The following TXNDC16 variants were observed in gnomAD, a reference collection of about 807,000 sequenced individuals.
TXNDC16 encodes thioredoxin domain-containing protein 16.
TXNDC16 carries 74 observed loss-of-function variants against 85.6 expected under a neutral mutation model. That is an observed-to-expected ratio of 0.86 (90% CI 0.72 to 1.05). The LOEUF (loss-of-function observed/expected upper bound fraction) is 1.05. TXNDC16 is among the 50% of genes least tolerant of loss of function. The pLI is 0.00. For missense variants in TXNDC16, 959 were observed against 947.0 expected, an observed-to-expected ratio of 1.01 and a Z score of -0.17; for synonymous variants, 335 against 326.5, an observed-to-expected ratio of 1.03 and a Z score of -0.28.
Position 52,431,839 on chromosome 14 carries a change from G to A in TXNDC16, c.*465C>T, listed in dbSNP as rs1370050485. ...TGCACTGTGGAGTTAACTGTGATTA[G>A]AGTTTAATTTTAATCCAAATAGAAA... is the stretch of plus-strand genomic sequence containing the variant. On this transcript the variant is annotated 3_prime_UTR_variant, in exon 21 of 21. Transcript: ENST00000281741. 6.6e-6 allele frequency: 1 copy of A among 152,492 alleles called. No individual in the cohort carries two copies. The highest frequency in any genetic ancestry group is 1.5e-5 in the Non-Finnish European group (1 of 68,258). 9.4% of individuals were successfully genotyped at this position (152,492 alleles called of 1,614,324 possible). A position where few individuals can be genotyped will look rare whatever the true frequency, so the allele number is the denominator to read the frequency against.
intron 6 of TXNDC16, among the ~76,000 whole-genome samples, chr14:52,519,621 T>C (rs1045249907): frequency 6.6e-6 from 1 of 152,202 alleles, no homozygotes; most frequent in Non-Finnish European, 1.5e-5. Context: ...TTTAAGCCCT[T>C]CACAAACCTA....
chr14:52,439,893 AGATAC>A (rs138791444), intron 19 of TXNDC16, among the ~76,000 whole-genome samples: 41,081 of 152,068 alleles, frequency 0.27, 5,670 homozygotes, highest in East Asian at 0.39. Flanking sequence ...TCTAAGTTAA[AGATAC>A]TTAGTTTTCC....
chr14:52,432,673 A>C, intron 20 of TXNDC16, 86 bp from the exon 21 acceptor site: 1 of 1,262,416 alleles, frequency 7.9e-7, no homozygotes, highest in Non-Finnish European at 1.0e-6. Flanking sequence ...ATTTTGAAAA[A>C]TATATTTGTA....
At chr14:52,534,030 T>C (rs2037644110) in intron 6 of TXNDC16, among the ~76,000 whole-genome samples, 1 of 152,108 alleles carries the variant, frequency 6.6e-6, no homozygotes, top group South Asian at 2.1e-4. Context: ...CCAAGTGTGG[T>C]ATGGTGAGGG....
At chr14:52,520,684 C>T (rs940443297) in intron 6 of TXNDC16, among the ~76,000 whole-genome samples, 25 of 152,122 alleles carry the variant, frequency 1.6e-4, no homozygotes, top group African/African-American at 5.6e-4. Context: ...CCCCTAACAA[C>T]TCATTCCACT....
At chr14:52,506,337 C>T (rs1205831386) in intron 9 of TXNDC16, among the ~76,000 whole-genome samples, 3 of 152,112 alleles carry the variant, frequency 2.0e-5, no homozygotes, top group Non-Finnish European at 4.4e-5. Context: ...AAAATACTGG[C>T]AAACCAAATC....
rs1463928575 is a variant in TXNDC16, at chr14:52,490,380, A to C, written c.984+11T>G. The C allele has an allele frequency of 5.7e-6, 9 of 1,575,668 alleles. No individual in the cohort carries two copies. Among genetic ancestry groups the C allele is most frequent in the Non-Finnish European group, 7.7e-6 (9 of 1,163,498 alleles). On this transcript the variant is annotated intron_variant, in intron 11 of 20. Transcript: ENST00000281741. ...AACAGATATTGTAGAACAATACATA[A>C]AACAACTAACCTCTTCTGCTCTTTT...
chr14:52,482,116 C>T (rs778593337), intron 14 of TXNDC16, 114 bp downstream of exon 14: 5 of 963,790 alleles, frequency 5.2e-6, no homozygotes, highest in Non-Finnish European at 7.6e-6. Flanking sequence ...CCTGGAGACA[C>T]AAACATAGTA....
intron 9 of TXNDC16, among the ~76,000 whole-genome samples, chr14:52,504,997 T>G (rs1018259416): frequency 1.1e-4 from 17 of 152,072 alleles, no homozygotes; most frequent in African/African-American, 2.7e-4. Flanking sequence ...ATGGTAAAGG[T>G]ATCAATTCAA....
chr14:52,445,311 T>C (rs909729495), intron 18 of TXNDC16, among the ~76,000 whole-genome samples: 7 of 152,174 alleles, frequency 4.6e-5, no homozygotes, highest in African/African-American at 1.7e-4. Context: ...GATTTGATTA[T>C]TTATAACCTA....
intron 6 of TXNDC16, among the ~76,000 whole-genome samples, chr14:52,535,531 C>G (rs998980442): frequency 1.3e-5 from 2 of 152,002 alleles, no homozygotes; most frequent in African/African-American, 4.8e-5. Flanking sequence ...AAAAAGACAG[C>G]CAATGTCAGC....
In TXNDC16 at chr14:52,455,376, G is replaced by A. The variant is rs748330657; in HGVS notation, c.1790C>T (p.Thr597Ile). The change falls in exon 18 of 21, where the codon ACA (threonine) becomes ATA (isoleucine). Residue 597 changes from threonine (T) to isoleucine (I), a missense_variant. Transcript: ENST00000281741. ...GKIESIPLAS[T>I]HAQDIVQIIT... ...TATTTGAACTATGTCTTGTGCATGT[G>A]TGCTAGCTAGTGGGATGCTCTCTAT... 2.0e-5 allele frequency: 33 copies of A among 1,613,850 alleles called. No individual in the cohort carries two copies. The highest frequency in any genetic ancestry group is 1.6e-4 in the Middle Eastern group (1 of 6,082).
intron 16 of TXNDC16, 63 bp downstream of exon 16, chr14:52,469,974 A>C (rs2140131351): frequency 1.4e-6 from 2 of 1,422,506 alleles, no homozygotes; most frequent in Middle Eastern, 2.1e-4. Flanking sequence ...ATATTCTTAA[A>C]AAATAAAACT....
intron 16 of TXNDC16, among the ~76,000 whole-genome samples, chr14:52,458,057 GC>G (rs2035573356): frequency 6.6e-6 from 1 of 152,188 alleles, no homozygotes; most frequent in Admixed American, 6.5e-5. Context: ...GGCTAGGCAT[GC>G]TGAACCCAAA....
intron 18 of TXNDC16, among the ~76,000 whole-genome samples, chr14:52,454,297 A>T (rs1211279379): frequency 6.6e-6 from 1 of 151,654 alleles, no homozygotes; most frequent in Non-Finnish European, 1.5e-5. Context: ...GTGGTGGCAC[A>T]TGCCTGTAGT....
At chr14:52,533,730 C>T (rs2037635998) in intron 6 of TXNDC16, among the ~76,000 whole-genome samples, 1 of 152,196 alleles carries the variant, frequency 6.6e-6, no homozygotes, top group Admixed American at 6.5e-5. Context: ...AGTGCAGACA[C>T]AAGGTATCAT....
rs563535829 is a variant in TXNDC16, at chr14:52,528,624, A to G, written c.392+8095T>C. On this transcript the variant is annotated intron_variant, in intron 6 of 20. Transcript: ENST00000281741. ...TAGATAACAGTATCTTAGAAAAAAG[A>G]CAAGAATATAAATACAAAAAAATTG... is the stretch of plus-strand genomic sequence containing the variant. 2.0e-5 allele frequency among the ~76,000 whole-genome samples: 3 copies of G among 151,484 alleles called. No individual in the cohort carries two copies. The East Asian group carries it at 5.8e-4, about 29-fold the overall frequency.
chr14:52,511,461 C>T lies in TXNDC16; in HGVS notation c.606-71G>A, dbSNP rs1042571373. ...CCTTCTACCATCCAATAAGCTGTAA[C>T]AATGAATTTTGTCTTAAGTCTCATG... On this transcript the variant is annotated intron_variant, in intron 8 of 20. Coordinates refer to ENST00000281741, the MANE Select transcript of TXNDC16 (RefSeq NM_020784.3). The T allele has an allele frequency of 4.8e-6, 5 of 1,047,532 alleles. No individual in the cohort carries two copies. The Admixed American group carries it at 1.1e-4, about 23-fold the overall frequency. 64.9% of individuals were successfully genotyped at this position (1,047,532 alleles called of 1,614,324 possible).
At position 52,543,479 on chromosome 14, in the gene TXNDC16, A is replaced by G. The variant is rs374006280; in HGVS notation, c.79T>C (p.Ser27Pro). Reference protein sequence around the residue: ...MCIFYMPTVNSLPELSPQKYF... With the variant: ...MCIFYMPTVNPLPELSPQKYF... ...TTCTGAGGACTCAGTTCTGGTAAAG[A>G]GTTTACTGTTGGCATGTAAAAAATG... The change falls in exon 3 of 21, where the codon TCT (serine) becomes CCT (proline). Residue 27 changes from serine (S) to proline (P), a missense_variant. Coordinates refer to ENST00000281741, the MANE Select transcript of TXNDC16 (RefSeq NM_020784.3). The G allele has an allele frequency of 2.7e-5, 43 of 1,613,656 alleles. No homozygotes were observed. The highest frequency in any genetic ancestry group is 3.6e-5 in the Non-Finnish European group (43 of 1,179,782).
Sources: allele counts gnomAD v4.1 joint callset (sites outside exome capture counted in the v4.1 genomes callset), GRCh38; gene constraint gnomAD v4.1.1; transcripts MANE v1.5; gene names NCBI Gene and HGNC (gene_info 2026-07-23, HGNC 2026-07-21).